Variants in PARP11 observed in about 807,000 individuals in gnomAD.
PARP11 encodes poly(ADP-ribose) polymerase family member 11.
Under a neutral mutation model 42.9 loss-of-function variants are expected in PARP11, and 31 were observed. That is an observed-to-expected ratio of 0.72 (90% CI 0.54 to 0.98). The LOEUF (loss-of-function observed/expected upper bound fraction) is 0.98, where lower values mean the gene tolerates loss of function less well. Among genes scored for constraint, PARP11 ranks in the 50% least tolerant of loss-of-function variants. The pLI is 0.00. For synonymous variants in PARP11, 137 were observed against 127.3 expected, an observed-to-expected ratio of 1.08 and a Z score of -0.51; for missense variants, 365 against 413.1, an observed-to-expected ratio of 0.88 and a Z score of 1.01.
intron 1 of PARP11, among the ~76,000 whole-genome samples, chr12:3,832,953 AC>A (rs1166080081): frequency 1.3e-5 from 2 of 152,204 alleles, no homozygotes; most frequent in African/African-American, 4.8e-5. Context: ...GTTATCTGTT[AC>A]AAAGAGAATC....
chr12:3,810,621 AGGAG>A lies in PARP11; in HGVS notation c.*1498_*1501del, dbSNP rs202053396. 781 of 112,618 alleles carry A rather than the reference AGGAG, an allele frequency of 6.9e-3. 4 individuals carry two copies. Among genetic ancestry groups the A allele is most frequent in the Non-Finnish European group, 8.7e-3 (491 of 56,124 alleles). 7.0% of individuals were successfully genotyped at this position (112,618 alleles called of 1,614,324 possible). ...AAAAAAGAAAGAAAAAGAAAAAGGG[AGGAG>A]GGAGGGAGGGAGGGAGGGAAAGAAG... On this transcript the variant is annotated 3_prime_UTR_variant, in exon 8 of 8. Coordinates refer to ENST00000228820, the MANE Select transcript of PARP11 (RefSeq NM_020367.6).
intron 1 of PARP11, among the ~76,000 whole-genome samples, chr12:3,862,630 A>T (rs886678695): frequency 2.7e-5 from 4 of 150,568 alleles, no homozygotes; most frequent in Non-Finnish European, 5.9e-5. Flanking sequence ...ATAGTATAGC[A>T]AAGTATGGAG....
chr12:3,822,000 T>C lies in PARP11; in HGVS notation c.421A>G (p.Ile141Val). ...TCATGTGTTTGATTGTGCAGAGGAATAAGCTGGAAAAATAAATTTGCATAG... is the reference window on the plus strand; with the variant it reads ...TCATGTGTTTGATTGTGCAGAGGAACAAGCTGGAAAAATAAATTTGCATAG... ...NVNTQVPYQL[I>V]PLHNQTHEYN... Residue 141 changes from isoleucine to valine, a missense_variant, in exon 6 of 8, where the codon ATT (isoleucine) becomes GTT (valine). Ile to Val is a conservative substitution (Grantham distance 29). Coordinates refer to ENST00000228820, the MANE Select transcript of PARP11 (RefSeq NM_020367.6). The C allele has an allele frequency of 6.2e-7, 1 of 1,607,000 alleles. No homozygotes were observed.
chr12:3,872,247 C>A (rs1022707164), intron 1 of PARP11, among the ~76,000 whole-genome samples: 16 of 152,094 alleles, frequency 1.1e-4, no homozygotes, highest in African/African-American at 3.9e-4. Context: ...CACATTTTTA[C>A]ACAGTTGTCT....
At chr12:3,854,955 C>T (rs1948166271) in intron 1 of PARP11, among the ~76,000 whole-genome samples, 1 of 152,216 alleles carries the variant, frequency 6.6e-6, no homozygotes, top group African/African-American at 2.4e-5. Context: ...GGCTTCATCC[C>T]TGGGATGCAA....
intron 1 of PARP11, among the ~76,000 whole-genome samples, chr12:3,855,515 C>A (rs1484040406): frequency 2.6e-5 from 4 of 152,200 alleles, no homozygotes; most frequent in African/African-American, 9.6e-5. Flanking sequence ...TGAGTGAACT[C>A]CCATTCACAA....
chr12:3,834,634 C>CAAAAAAAA (rs567817866), intron 1 of PARP11, among the ~76,000 whole-genome samples: 1 of 69,376 alleles, frequency 1.4e-5, no homozygotes, highest in Non-Finnish European at 3.2e-5. Context: ...CACTCCATCT[C>CAAAAAAAA]AAAAAAAAAA....
At chr12:3,829,481 G>A (rs149828341) in intron 2 of PARP11, among the ~76,000 whole-genome samples, 353 of 152,296 alleles carry the variant, frequency 2.3e-3, no homozygotes, top group Middle Eastern at 6.8e-3. Flanking sequence ...TTCCTTGACT[G>A]TAAGACAGAA....
intron 6 of PARP11, among the ~76,000 whole-genome samples, chr12:3,818,254 C>T (rs1391865307): frequency 6.6e-6 from 1 of 152,216 alleles, no homozygotes; most frequent in Admixed American, 6.5e-5. Flanking sequence ...CACCTCCCTA[C>T]ACTTCATTCG....
Position 3,840,620 on chromosome 12 carries a change from A to C in PARP11, c.19-10602T>G, listed in dbSNP as rs903412760. 2.0e-5 allele frequency: 25 copies of C among 1,270,862 alleles called. No individual in the cohort carries two copies. The highest frequency in any genetic ancestry group is 1.7e-4 in the Admixed American group (10 of 59,532). The allele number at this position is 1,270,862 out of a possible 1,614,324, so 78.7% of individuals were successfully genotyped here. A position where few individuals can be genotyped will look rare whatever the true frequency, so the allele number is the denominator to read the frequency against. On this transcript the variant is annotated intron_variant, in intron 1 of 7. Coordinates refer to ENST00000228820, the MANE Select transcript of PARP11 (RefSeq NM_020367.6). The surrounding 1 kb of genome is among the most constrained non-coding windows in gnomAD (Gnocchi z 4.4). The stretch of plus-strand genomic sequence containing the variant: ...ACAAGTCGAGAATCTAACTATTGCT[A>C]CTTCTCAGAGTAGCAATCCATGTGT...
intron 1 of PARP11, among the ~76,000 whole-genome samples, chr12:3,838,252 T>G (rs1292954925): frequency 6.6e-6 from 1 of 151,850 alleles, no homozygotes; most frequent in Non-Finnish European, 1.5e-5. Flanking sequence ...ATCGTATCAC[T>G]TATCTTTTCT....
chr12:3,841,346 A>G (rs1947885961), intron 1 of PARP11: 1 of 1,242,194 alleles, frequency 8.1e-7, no homozygotes, highest in South Asian at 1.2e-5. Context: ...TACCCTCTGC[A>G]CCAGGCCTAC....
intron 4 of PARP11, among the ~76,000 whole-genome samples, chr12:3,824,212 T>C (rs1420577618): frequency 6.6e-6 from 1 of 152,224 alleles, no homozygotes; most frequent in Non-Finnish European, 1.5e-5. Flanking sequence ...TTTGTTTTTC[T>C]CCTATTATGA....
In PARP11 at chr12:3,873,320, G is replaced by A. The variant is rs11832674; in HGVS notation, c.-91C>T. ...ATTTTTTTTTTTCCCGCGGGTCCCCGGGAGCGAAGGGACGGAGATGCAACC... is the reference window on the plus strand; with the variant it reads ...ATTTTTTTTTTTCCCGCGGGTCCCCAGGAGCGAAGGGACGGAGATGCAACC... On this transcript the variant is annotated 5_prime_UTR_variant, in exon 1 of 8. Coordinates refer to ENST00000228820, the MANE Select transcript of PARP11 (RefSeq NM_020367.6). 3,461 of 1,227,222 alleles carry A rather than the reference G, an allele frequency of 2.8e-3. 74 individuals carry two copies. In the African/African-American group the frequency reaches 0.044, roughly 16 times the overall value. The allele number at this position is 1,227,222 out of a possible 1,614,324, so 76.0% of individuals were successfully genotyped here.
intron 4 of PARP11, among the ~76,000 whole-genome samples, chr12:3,825,637 G>T (rs1273116456): frequency 6.6e-6 from 1 of 152,150 alleles, no homozygotes; most frequent in African/African-American, 2.4e-5. Context: ...ATACAAGAAG[G>T]AAAAGGATAA....
intron 2 of PARP11, among the ~76,000 whole-genome samples, chr12:3,829,299 A>G (rs953630378): frequency 2.6e-5 from 4 of 152,200 alleles, no homozygotes; most frequent in African/African-American, 7.2e-5. Flanking sequence ...GATAATTACA[A>G]TTTTTACAGA....
intron 1 of PARP11, among the ~76,000 whole-genome samples, chr12:3,834,632 C>CT (rs1191845969): frequency 6.4e-5 from 8 of 124,208 alleles, no homozygotes; most frequent in Non-Finnish European, 1.6e-5. Context: ...GACACTCCAT[C>CT]TCAAAAAAAA....
chr12:3,841,001 C>T, intron 1 of PARP11: 1 of 1,598,960 alleles, frequency 6.3e-7, no homozygotes, highest in Non-Finnish European at 8.6e-7. Flanking sequence ...ACAGGTGTCC[C>T]TGCTCCAATT....
chr12:3,837,915 T>A (rs1947800446), intron 1 of PARP11, among the ~76,000 whole-genome samples: 1 of 151,750 alleles, frequency 6.6e-6, no homozygotes, highest in South Asian at 2.1e-4. Flanking sequence ...ATTATAAATA[T>A]CTATGCACTC....
Sources: allele counts gnomAD v4.1 joint callset (sites outside exome capture counted in the v4.1 genomes callset), GRCh38; gene constraint gnomAD v4.1.1; non-coding constraint Gnocchi (gnomAD v3.1); transcripts MANE v1.5; gene names NCBI Gene and HGNC (gene_info 2026-07-23, HGNC 2026-07-21).